DNAJC1: variants seen among roughly 807,000 people sequenced by gnomAD.
DNAJC1 encodes the protein DnaJ heat shock protein family (Hsp40) member C1.
In DNAJC1, 58 loss-of-function variants were observed where a neutral mutation model predicts 76.6. The ratio of observed to expected loss-of-function variants is 0.76; its 90% CI spans 0.61 to 0.94. The LOEUF (loss-of-function observed/expected upper bound fraction) is 0.94. DNAJC1 is among the 40% of genes least tolerant of loss of function. The probability of loss-of-function intolerance (pLI) is 0.00; values close to 1 mark genes in which losing one functional copy is unlikely to be tolerated. For synonymous variants in DNAJC1, 258 were observed against 267.9 expected (o/e 0.96, Z 0.36); for missense variants, 689 against 677.3 (o/e 1.02, Z -0.19).
intron 1 of DNAJC1, among the ~76,000 whole-genome samples, chr10:21,953,821 T>TAAAAAAAAAAAAAAAAAAAAAAAATAA (rs779370823): frequency 1.2e-5 from 1 of 84,950 alleles, no homozygotes; most frequent in Non-Finnish European, 2.3e-5. Context: ...AACTGAACTT[T>TAAAAAAAAAAAAAAAAAAAAAAAATAA]AAAAAAAAAA....
Position 22,003,630 on chromosome 10 carries a change from G to T in DNAJC1, c.-196C>A. ...AGCCGGCTGCCGGACGGGCGGGTGG[G>T]TAGGCGGGCGGGGCCGCAGCCAGCG... On this transcript the variant is annotated 5_prime_UTR_variant, in exon 1 of 12. Transcript: ENST00000376980. 4 of 528,708 alleles carry T rather than the reference G, an allele frequency of 7.6e-6. No homozygotes were observed. Among genetic ancestry groups the T allele is most frequent in the Non-Finnish European group, 8.7e-6 (3 of 345,958 alleles). 32.8% of individuals were successfully genotyped at this position (528,708 alleles called of 1,614,324 possible).
chr10:21,831,576 G>A (rs1835356931), intron 8 of DNAJC1, among the ~76,000 whole-genome samples: 1 of 152,116 alleles, frequency 6.6e-6, no homozygotes, highest in Admixed American at 6.5e-5. Context: ...GGATCACGAG[G>A]TCAGGAGATA....
At chr10:21,787,517 A>G (rs555054704) in intron 9 of DNAJC1, among the ~76,000 whole-genome samples, 4 of 152,216 alleles carry the variant, frequency 2.6e-5, no homozygotes, top group Non-Finnish European at 5.9e-5. Context: ...AAGACAGCCA[A>G]AAACAATGAA....
intron 8 of DNAJC1, among the ~76,000 whole-genome samples, chr10:21,849,682 T>A (rs1467008822): frequency 6.6e-6 from 1 of 152,112 alleles, no homozygotes. Context: ...TATAGACCAA[T>A]ATTGTTTATA....
At chr10:21,871,076 T>C (rs1315799571) in intron 8 of DNAJC1, among the ~76,000 whole-genome samples, 1 of 152,166 alleles carries the variant, frequency 6.6e-6, no homozygotes, top group Admixed American at 6.5e-5. Flanking sequence ...ACTAGCCTTA[T>C]GCTAAGGCTG....
chr10:21,870,353 G>C (rs892921378), intron 8 of DNAJC1, among the ~76,000 whole-genome samples: 5 of 152,038 alleles, frequency 3.3e-5, no homozygotes, highest in African/African-American at 1.2e-4. Flanking sequence ...AGAAGAGTAA[G>C]AAACTCCAAA....
At chr10:21,774,447 A>G (rs1020853158) in intron 9 of DNAJC1, among the ~76,000 whole-genome samples, 2 of 152,162 alleles carry the variant, frequency 1.3e-5, no homozygotes, top group African/African-American at 4.8e-5. Context: ...TTTCATACAC[A>G]TTGTTTTTTC....
At chr10:21,765,935 T>G (rs977654575) in intron 10 of DNAJC1, among the ~76,000 whole-genome samples, 2 of 152,206 alleles carry the variant, frequency 1.3e-5, no homozygotes, top group Non-Finnish European at 2.9e-5. Context: ...GGGTGGACAG[T>G]GCAGGGAAAC....
chr10:21,962,253 G>A (rs928089401), intron 1 of DNAJC1, among the ~76,000 whole-genome samples: 1 of 151,978 alleles, frequency 6.6e-6, no homozygotes, highest in Non-Finnish European at 1.5e-5. Context: ...CTAAAACAGT[G>A]CCAGGCACAT....
chr10:21,981,215 T>C (rs947209863), intron 1 of DNAJC1, among the ~76,000 whole-genome samples: 6 of 152,194 alleles, frequency 3.9e-5, no homozygotes, highest in African/African-American at 9.6e-5. Flanking sequence ...AAGCAAAATG[T>C]AGAATTACAT....
chr10:21,999,733 G>A (rs1343325875), intron 1 of DNAJC1, among the ~76,000 whole-genome samples: 3 of 152,158 alleles, frequency 2.0e-5, no homozygotes, highest in South Asian at 2.1e-4. Context: ...GATTACAGGC[G>A]TGAGCCACCA....
chr10:21,929,222 G>T, intron 1 of DNAJC1, 81 bp from the exon 2 acceptor site: 1 of 968,092 alleles, frequency 1.0e-6, no homozygotes, highest in Non-Finnish European at 1.6e-6. Flanking sequence ...TAAGATCTGA[G>T]AAGACAGCCA....
chr10:21,958,431 CT>C (rs554641280), intron 1 of DNAJC1, among the ~76,000 whole-genome samples: 12,194 of 141,034 alleles, frequency 0.086, 1,042 homozygotes, highest in African/African-American at 0.24. Flanking sequence ...ACAGATTTGT[CT>C]TTTTTTTTTT....
intron 8 of DNAJC1, among the ~76,000 whole-genome samples, chr10:21,811,297 AGGCTCTTTTG>A (rs1053739566): frequency 6.6e-6 from 1 of 152,220 alleles, no homozygotes; most frequent in African/African-American, 2.4e-5. Context: ...AGTTTCTTTT[AGGCTCTTTTG>A]GGTTCTGGAG....
intron 9 of DNAJC1, among the ~76,000 whole-genome samples, chr10:21,781,991 A>G (rs1834535483): frequency 6.6e-6 from 1 of 152,178 alleles, no homozygotes; most frequent in Non-Finnish European, 1.5e-5. Context: ...ACACTAGAGA[A>G]GCAAGAGCGA....
At chr10:21,952,346 C>A (rs1837612326) in intron 1 of DNAJC1, among the ~76,000 whole-genome samples, 1 of 152,080 alleles carries the variant, frequency 6.6e-6, no homozygotes, top group Admixed American at 6.6e-5. Context: ...TAAAAACAGA[C>A]AACTTAAAAC....
intron 8 of DNAJC1, among the ~76,000 whole-genome samples, chr10:21,857,993 A>G (rs1835865274): frequency 6.6e-6 from 1 of 152,246 alleles, no homozygotes; most frequent in Non-Finnish European, 1.5e-5. Flanking sequence ...TTACTGAATT[A>G]TATTTGTTGT....
chr10:21,948,183 C>T (rs1466966023), intron 1 of DNAJC1, among the ~76,000 whole-genome samples: 4 of 151,412 alleles, frequency 2.6e-5, no homozygotes, highest in African/African-American at 7.3e-5. Context: ...ATCTGCCTCC[C>T]GGGTTCAAGT....
intron 9 of DNAJC1, 76 bp from the exon 10 acceptor site, chr10:21,766,385 G>T: frequency 9.1e-7 from 1 of 1,097,972 alleles, no homozygotes; most frequent in Non-Finnish European, 1.4e-6. Context: ...TTCCATGTAA[G>T]CTCCATGTGA....
Sources: gnomAD v4.1 joint callset for allele counts (sites outside exome capture counted in the v4.1 genomes callset) on GRCh38, gnomAD v4.1.1 for gene constraint, MANE v1.5 for transcripts, NCBI Gene and HGNC (gene_info 2026-07-23, HGNC 2026-07-21) for gene names.